Variants in ITGAM observed in about 807,000 individuals in gnomAD.
ITGAM encodes the protein integrin alpha-M.
In ITGAM, 79 loss-of-function variants were observed where a neutral mutation model predicts 137.5. The observed-to-expected ratio is 0.57, with a 90% CI of 0.48 to 0.69. The LOEUF is 0.69. ITGAM is among the 30% of genes least tolerant of loss of function. The pLI, the probability that ITGAM is intolerant of heterozygous loss-of-function variation, is 0.00. For synonymous variants in ITGAM, 583 were observed against 592.3 expected (o/e 0.98, Z 0.23); for missense variants, 1,343 against 1,483.5 (o/e 0.91, Z 1.56).
rs1208158298 is a variant in ITGAM at position 31,325,342 on chromosome 16, A to G, written c.2443A>G (p.Arg815Gly). The part of the protein sequence containing the change: ...TVRNDGEDSY[R>G]TQVTFFFPLD... ...GAGAAATGATGGTGAGGACTCCTAC[A>G]GGACACAGGTCACCTTCTTCTTCCC... is the stretch of plus-strand genomic sequence containing the variant. Residue 815 changes from arginine to glycine, a missense_variant, in exon 20 of 30, where the codon AGG becomes GGG. Coordinates refer to ENST00000544665, the MANE Select transcript of ITGAM (RefSeq NM_000632.4). 4 of 1,613,830 alleles carry G rather than the reference A, an allele frequency of 2.5e-6. No individual in the cohort carries two copies. The highest frequency in any genetic ancestry group is 3.4e-6 in the Non-Finnish European group (4 of 1,179,856).
intron 12 of ITGAM, among the ~76,000 whole-genome samples, chr16:31,282,456 C>A (rs1225480096): frequency 6.6e-6 from 1 of 152,140 alleles, no homozygotes; most frequent in African/African-American, 2.4e-5. Context: ...TTGAATTTAT[C>A]GGTTTACCAT....
chr16:31,276,546 G>A, intron 9 of ITGAM, 125 bp from the exon 10 acceptor site: 1 of 660,866 alleles, frequency 1.5e-6, no homozygotes, highest in Non-Finnish European at 2.7e-6. Context: ...TCACCAGACT[G>A]GTCTCTAACT....
At chr16:31,329,379 G>T in intron 24 of ITGAM, 76 bp downstream of exon 24, 1 of 1,100,612 alleles carries the variant, frequency 9.1e-7, no homozygotes, top group South Asian at 1.3e-5. Flanking sequence ...CAGAAACAGG[G>T]ATGGGAAATG....
At chr16:31,265,761 C>T (rs765198066) in intron 3 of ITGAM, 50 bp from the exon 4 acceptor site, 1 of 1,538,738 alleles carries the variant, frequency 6.5e-7, no homozygotes. Flanking sequence ...TCTTCCACAG[C>T]CTTCTCTGTC....
chr16:31,289,322 T>A lies in ITGAM; in HGVS notation c.1357-8192T>A, dbSNP rs946911304. ...CATGCACACGAATGTTTATTGCGGC[T>A]CTATTCACAATAGCAAAGACTTGGA... On this transcript the variant is annotated intron_variant, in intron 12 of 29. Coordinates refer to ENST00000544665, the MANE Select transcript of ITGAM (RefSeq NM_000632.4). 3.3e-3 allele frequency among the ~76,000 whole-genome samples: 496 copies of A among 152,252 alleles called. 1 individual carries two copies. Among genetic ancestry groups the A allele is most frequent in the African/African-American group, 0.011 (467 of 41,550 alleles).
At chr16:31,261,372 G>T (rs557914846) in intron 1 of ITGAM, among the ~76,000 whole-genome samples, 2 of 151,792 alleles carry the variant, frequency 1.3e-5, no homozygotes, top group African/African-American at 4.8e-5. Flanking sequence ...TGTAGAGATG[G>T]GGTCTCACTG....
intron 12 of ITGAM, among the ~76,000 whole-genome samples, chr16:31,287,368 G>A (rs78685891): frequency 0.06 from 9,073 of 151,938 alleles, 934 homozygotes; most frequent in African/African-American, 0.21. Context: ...TTTTTGTTCC[G>A]TATTAATTTT....
intron 23 of ITGAM, among the ~76,000 whole-genome samples, chr16:31,328,762 A>G (rs924944497): frequency 3.9e-5 from 5 of 129,858 alleles, no homozygotes; most frequent in African/African-American, 1.5e-4. Context: ...GTCTATGTGC[A>G]TGCGTGTGCG....
rs1311690362 is a variant in ITGAM, at chr16:31,304,614, C to T, written c.1707+6660C>T. ...CAGGTCTTAGATTTCAGTCTTTGATCCATCTTGAGTTGATTTTTGTATAAG... is the reference window on the plus strand; with the variant it reads ...CAGGTCTTAGATTTCAGTCTTTGATTCATCTTGAGTTGATTTTTGTATAAG... On this transcript the variant is annotated intron_variant, in intron 14 of 29. Coordinates refer to ENST00000544665, the MANE Select transcript of ITGAM (RefSeq NM_000632.4). Among the ~76,000 whole-genome samples, 3 of 152,100 alleles carry T rather than the reference C, an allele frequency of 2.0e-5. No individual in the cohort carries two copies. In the East Asian group the frequency reaches 5.8e-4, roughly 29 times the overall value.
intron 12 of ITGAM, 103 bp from the exon 13 acceptor site, chr16:31,297,411 A>G (rs2080145001): frequency 6.2e-6 from 9 of 1,454,012 alleles, no homozygotes; most frequent in South Asian, 3.5e-5. Flanking sequence ...CATCTGCTCC[A>G]GAGGGATTCC....
Position 31,265,410 on chromosome 16 carries a change from C to A in ITGAM, c.150C>A (p.Ala50=), listed in dbSNP as rs1317803662. The change falls in exon 3 of 30, where the codon GCC becomes GCA. Residue 50 remains alanine (A), a synonymous_variant. Coordinates refer to ENST00000544665, the MANE Select transcript of ITGAM (RefSeq NM_000632.4). ...QLQGSRVVVG[A]PQEIVAANQR... Reference sequence around the variant, plus strand: ...CTCCCCACAGGGTGGTGGTTGGAGCCCCCCAGGAGATAGTGGCTGCCAACC... The same window carrying A: ...CTCCCCACAGGGTGGTGGTTGGAGCACCCCAGGAGATAGTGGCTGCCAACC... 2.5e-6 allele frequency: 4 copies of A among 1,602,018 alleles called. No homozygotes were observed. Among genetic ancestry groups the A allele is most frequent in the Non-Finnish European group, 3.4e-6 (4 of 1,174,192 alleles).
chr16:31,322,848 T>C (rs1391192286), intron 16 of ITGAM, among the ~76,000 whole-genome samples: 1 of 152,078 alleles, frequency 6.6e-6, no homozygotes, highest in African/African-American at 2.4e-5. Context: ...ATTCAGTAAA[T>C]AGATTTATAG....
chr16:31,290,285 G>A (rs972151771), intron 12 of ITGAM, among the ~76,000 whole-genome samples: 1 of 152,030 alleles, frequency 6.6e-6, no homozygotes, highest in Non-Finnish European at 1.5e-5. Context: ...AACAGGTAGA[G>A]AATTTCTTTC....
Position 31,271,060 on chromosome 16 carries a change from G to T in ITGAM, c.534G>T (p.Glu178Asp), listed in dbSNP as rs764391443. The T allele has an allele frequency of 6.3e-7, 1 of 1,578,184 alleles. No individual in the cohort carries two copies. The highest frequency in any genetic ancestry group is 1.2e-5 in the South Asian group (1 of 85,570). ...RMKEFVSTVM[E>D]QLKKSKTLFS... ...AGGAGTTTGTCTCAACTGTGATGGA[G>T]CAATTAAAAAAGTCCAAAACCTTGG... The change falls in exon 6 of 30, where the codon GAG (glutamate) becomes GAT (aspartate). Residue 178 changes from glutamate (E) to aspartate (D), a missense_variant. By Grantham distance (45) the Glu-to-Asp change is conservative. Transcript: ENST00000544665.
chr16:31,276,837 T>C lies in ITGAM; in HGVS notation c.1084-83T>C, dbSNP rs982370912. ...GGGGTTTGGGGACTCTTCTCTGTGA[T>C]AGATACTTGGGAAGTAGCTCTGTGA... On this transcript the variant is annotated intron_variant, in intron 10 of 29. Transcript: ENST00000544665. 2.9e-4 allele frequency: 467 copies of C among 1,584,264 alleles called. 1 individual carries two copies. The highest frequency in any genetic ancestry group is 3.7e-4 in the Non-Finnish European group (430 of 1,161,752).
chr16:31,326,811 T>C, intron 21 of ITGAM, 45 bp from the exon 22 acceptor site: 1 of 1,357,370 alleles, frequency 7.4e-7, no homozygotes, highest in Admixed American at 1.7e-5. Context: ...TGGGTTATTT[T>C]TTCTCTCATA....
chr16:31,316,486 T>C (rs1319906114), intron 14 of ITGAM, among the ~76,000 whole-genome samples: 1 of 152,208 alleles, frequency 6.6e-6, no homozygotes, highest in African/African-American at 2.4e-5. Flanking sequence ...TCTGTTTTTA[T>C]GTCAGTGTCA....
At chr16:31,271,328 T>C (rs1450517923) in intron 6 of ITGAM, among the ~76,000 whole-genome samples, 6 of 152,170 alleles carry the variant, frequency 3.9e-5, no homozygotes, top group African/African-American at 1.4e-4. Context: ...CCACGTGTCA[T>C]TGCTGGCTGA....
chr16:31,325,452 T>G (rs539919901), intron 20 of ITGAM, 48 bp downstream of exon 20: 1 of 1,613,020 alleles, frequency 6.2e-7, no homozygotes, highest in African/African-American at 1.3e-5. Context: ...TTCCCCATCC[T>G]CACGGCCGGA....
Sources: allele counts gnomAD v4.1 joint callset (sites outside exome capture counted in the v4.1 genomes callset), GRCh38; gene constraint gnomAD v4.1.1; transcripts MANE v1.5; gene names NCBI Gene and HGNC (gene_info 2026-07-23, HGNC 2026-07-21).